BCAR3: variants seen among roughly 807,000 people sequenced by gnomAD.
BCAR3 encodes BCAR3 adaptor protein, NSP family member, also known as breast cancer anti-estrogen resistance protein 3.
BCAR3 carries 37 observed loss-of-function variants against 80.1 expected under a neutral mutation model. The observed-to-expected ratio is 0.46, with a 90% CI of 0.36 to 0.61. The LOEUF is 0.61. Ranked by LOEUF, BCAR3 falls within the 20% of genes least tolerant of loss-of-function variation. BCAR3 has a pLI of 0.00. For synonymous variants in BCAR3, 389 were observed against 418.9 expected (o/e 0.93, Z 0.87); for missense variants, 978 against 1,068.2 (o/e 0.92, Z 1.18).
chr1:93,843,025 C>A (rs1028880809), intron 2 of BCAR3, among the ~76,000 whole-genome samples: 2 of 152,278 alleles, frequency 1.3e-5, no homozygotes, highest in Middle Eastern at 3.4e-3. Context: ...GCCTTCATTT[C>A]AACGTTGTGA....
chr1:93,654,982 T>C (rs1472875417), intron 2 of BCAR3, among the ~76,000 whole-genome samples: 2 of 152,250 alleles, frequency 1.3e-5, no homozygotes, highest in East Asian at 1.9e-4. Flanking sequence ...GGTGAGGCTT[T>C]GTCCAGTTTA....
At chr1:93,774,066 A>G (rs980180225) in intron 2 of BCAR3, among the ~76,000 whole-genome samples, 3 of 152,326 alleles carry the variant, frequency 2.0e-5, no homozygotes, top group South Asian at 2.1e-4. Context: ...TCGAATAACT[A>G]TCAATTGGCC....
chr1:93,570,834 T>A (rs907456132), intron 9 of BCAR3, among the ~76,000 whole-genome samples: 1 of 152,194 alleles, frequency 6.6e-6, no homozygotes, highest in African/African-American at 2.4e-5. Context: ...ATCACTACTG[T>A]TCATGAGGAT....
chr1:93,664,645 T>C (rs1290381119), intron 2 of BCAR3, among the ~76,000 whole-genome samples: 1 of 152,154 alleles, frequency 6.6e-6, no homozygotes, highest in Non-Finnish European at 1.5e-5. Context: ...CTTGACCCAG[T>C]CATGGGTTAA....
At chr1:93,710,028 T>C (rs1315958102) in intron 2 of BCAR3, among the ~76,000 whole-genome samples, 1 of 152,264 alleles carries the variant, frequency 6.6e-6, no homozygotes, top group Admixed American at 6.5e-5. Context: ...TATCTTTAGA[T>C]TCTTTGTCAC....
intron 2 of BCAR3, among the ~76,000 whole-genome samples, chr1:93,809,534 G>A (rs140531128): frequency 0.14 from 21,447 of 151,720 alleles, 2,457 homozygotes; most frequent in African/African-American, 0.31. Flanking sequence ...TTGGGAGGCC[G>A]AGGTGGGCGG....
intron 2 of BCAR3, chr1:93,723,525 C>G (rs1650478685): frequency 6.6e-6 from 1 of 152,420 alleles, no homozygotes; most frequent in Non-Finnish European, 1.5e-5. Context: ...TCCACCAGCT[C>G]CCTGGGAGAG....
chr1:93,786,471 A>G lies in BCAR3; in HGVS notation c.-63+59096T>C, dbSNP rs553155264. On this transcript the variant is annotated intron_variant, in intron 2 of 13. Coordinates refer to the BCAR3 transcript ENST00000370244. The stretch of plus-strand genomic sequence containing the variant: ...AGCCCCAGCTGAGACCATGGAGAGC[A>G]GAGACAAAGCCATTCCTGCTCAGTC... 1.5e-4 allele frequency among the ~76,000 whole-genome samples: 23 copies of G among 152,332 alleles called. No homozygotes were observed. The South Asian group carries it at 4.1e-3, about 27-fold the overall frequency.
intron 2 of BCAR3, among the ~76,000 whole-genome samples, chr1:93,714,451 C>G (rs1174819386): frequency 1.3e-5 from 2 of 152,150 alleles, no homozygotes; most frequent in Non-Finnish European, 2.9e-5. Context: ...TAAATATTCC[C>G]TGAAGGGACA....
chr1:93,801,080 G>A (rs776807767), intron 2 of BCAR3, among the ~76,000 whole-genome samples: 11 of 152,126 alleles, frequency 7.2e-5, no homozygotes, highest in South Asian at 2.1e-4. Context: ...TGATTCCCTC[G>A]GAGCCCGTAT....
chr1:93,605,070 T>G (rs1286714782), intron 3 of BCAR3, among the ~76,000 whole-genome samples: 1 of 152,168 alleles, frequency 6.6e-6, no homozygotes, highest in Non-Finnish European at 1.5e-5. Context: ...TTTGTTAACA[T>G]CTTGCCACGC....
At chr1:93,836,550 CT>C (rs768827398) in intron 2 of BCAR3, among the ~76,000 whole-genome samples, 21 of 152,146 alleles carry the variant, frequency 1.4e-4, no homozygotes, top group Non-Finnish European at 2.6e-4. Flanking sequence ...CACACCACCC[CT>C]AATCCCGCTT....
In BCAR3 at chr1:93,734,538, TGTGGTGTTCCAGGGCA is replaced by T. The variant is rs1650909468; in HGVS notation, c.-62-28412_-62-28397del. On this transcript the variant is annotated intron_variant, in intron 2 of 13. Coordinates refer to the BCAR3 transcript ENST00000370244. ...GGAGGTCAGATGGGGTGGGAGGGGG[TGTGGTGTTCCAGGGCA>T]GTGGCGGTACCTGGGAACAGGTGGC... is the stretch of plus-strand genomic sequence containing the variant. 2.0e-5 allele frequency among the ~76,000 whole-genome samples: 3 copies of T among 151,552 alleles called. No individual in the cohort carries two copies. The South Asian group carries it at 6.3e-4, about 32-fold the overall frequency.
At chr1:93,692,836 C>A (rs1649243613) in intron 3 of BCAR3, among the ~76,000 whole-genome samples, 1 of 152,170 alleles carries the variant, frequency 6.6e-6, no homozygotes, top group Non-Finnish European at 1.5e-5. Context: ...AAACTTAGCC[C>A]AGTGCCTGGC....
chr1:93,807,216 C>T (rs1202145115), intron 2 of BCAR3, among the ~76,000 whole-genome samples: 1 of 151,892 alleles, frequency 6.6e-6, no homozygotes, highest in Non-Finnish European at 1.5e-5. Context: ...TGAAGGTTCA[C>T]TGAAAATAAA....
At chr1:93,678,851 A>C (rs905974593) in intron 1 of BCAR3, among the ~76,000 whole-genome samples, 1 of 152,208 alleles carries the variant, frequency 6.6e-6, no homozygotes, top group African/African-American at 2.4e-5. Flanking sequence ...GCAAATGCAA[A>C]GGTCTTGCCA....
intron 2 of BCAR3, among the ~76,000 whole-genome samples, chr1:93,656,103 T>C (rs1647365943): frequency 6.6e-6 from 1 of 152,262 alleles, no homozygotes; most frequent in Non-Finnish European, 1.5e-5. Context: ...GAAAATCTGC[T>C]ATCAGTCTAA....
intron 2 of BCAR3, among the ~76,000 whole-genome samples, chr1:93,762,661 C>T (rs533541005): frequency 6.6e-6 from 1 of 152,156 alleles, no homozygotes; most frequent in Admixed American, 6.5e-5. Flanking sequence ...ACCACATATT[C>T]CATCCCCAAC....
intron 3 of BCAR3, among the ~76,000 whole-genome samples, chr1:93,615,574 G>A (rs1675092276): frequency 6.6e-6 from 1 of 152,190 alleles, no homozygotes; most frequent in Non-Finnish European, 1.5e-5. Context: ...GAAGCACCAA[G>A]GTGGCAGAAC....
Sources: allele counts gnomAD v4.1 joint callset (sites outside exome capture counted in the v4.1 genomes callset), GRCh38; gene constraint gnomAD v4.1.1; transcripts MANE v1.5; gene names NCBI Gene and HGNC (gene_info 2026-07-23, HGNC 2026-07-21).